Variants in GLIPR1L2 observed in about 807,000 individuals in gnomAD.
The protein encoded by GLIPR1L2 is GLIPR1 like 2, also known as GLIPR1-like protein 2.
In GLIPR1L2, 21 loss-of-function variants were observed where a neutral mutation model predicts 28.4. The observed-to-expected ratio is 0.74, with a 90% CI of 0.52 to 1.06. GLIPR1L2 has a LOEUF of 1.06. Among genes scored for constraint, GLIPR1L2 ranks in the 50% least tolerant of loss-of-function variants. The probability of loss-of-function intolerance (pLI) is 0.00; values close to 1 mark genes in which losing one functional copy is unlikely to be tolerated. For missense variants in GLIPR1L2, 476 were observed against 416.9 expected, an observed-to-expected ratio of 1.14 and a Z score of -1.23; for synonymous variants, 145 against 139.3, an observed-to-expected ratio of 1.04 and a Z score of -0.29.
chr12:75,403,020 T>C (rs1447833969), intron 1 of GLIPR1L2: 4 of 456,904 alleles, frequency 8.8e-6, no homozygotes, highest in Non-Finnish European at 4.4e-6. Flanking sequence ...TTAACAGTTA[T>C]GGTACTGCTG....
At position 75,420,188 on chromosome 12, in the gene GLIPR1L2, C is replaced by G. The variant is rs553601292; in HGVS notation, c.585-2716C>G. ...TCTTGTTCTGTGAATAATGTACAGA[C>G]TATGTGAGTCTGGATGGAGAACTTT... On this transcript the variant is annotated intron_variant, in intron 3 of 5. Transcript: ENST00000550916. Among the ~76,000 whole-genome samples, 3 of 152,280 alleles carry G rather than the reference C, an allele frequency of 2.0e-5. No individual in the cohort carries two copies. The South Asian group carries it at 6.2e-4, about 32-fold the overall frequency.
At chr12:75,402,912 CA>C (rs1193696883) in intron 1 of GLIPR1L2, 7 of 438,206 alleles carry the variant, frequency 1.6e-5, no homozygotes, top group Non-Finnish European at 2.8e-5. Context: ...GAATTGAGCC[CA>C]TTCTCTCTCC....
intron 1 of GLIPR1L2, among the ~76,000 whole-genome samples, chr12:75,409,702 T>TATATATATAAGATGTATATCTAATCCG (rs74212866): frequency 7.1e-6 from 1 of 141,516 alleles, no homozygotes; most frequent in South Asian, 2.2e-4. Flanking sequence ...TCTAATCCGA[T>TATATATATAAGATGTATATCTAATCCG]ATATATATAA....
rs547114366 is a variant in GLIPR1L2, at chr12:75,399,397, T to C, written c.234+8047T>C. Among the ~76,000 whole-genome samples the C allele has an allele frequency of 3.3e-5, 5 of 152,302 alleles. No individual in the cohort carries two copies. In the South Asian group the frequency reaches 1.0e-3, roughly 32 times the overall value. On this transcript the variant is annotated intron_variant, in intron 1 of 5. Coordinates refer to ENST00000550916, the MANE Select transcript of GLIPR1L2 (RefSeq NM_001270396.2). Reference sequence around the variant, plus strand: ...AAGGTAATATTGCTTCATCCATACATCAATATAAATTCCAACTAGTCAACA... The same window carrying C: ...AAGGTAATATTGCTTCATCCATACACCAATATAAATTCCAACTAGTCAACA...
chr12:75,410,955 A>T (rs998764431), intron 2 of GLIPR1L2, among the ~76,000 whole-genome samples: 6 of 151,910 alleles, frequency 3.9e-5, no homozygotes, highest in African/African-American at 1.4e-4. Flanking sequence ...CTGGAAAAGG[A>T]GGAAAGAAAC....
chr12:75,413,415 A>G (rs1240818899), intron 2 of GLIPR1L2, among the ~76,000 whole-genome samples, 183 bp from the exon 3 acceptor site: 1 of 151,988 alleles, frequency 6.6e-6, no homozygotes, highest in African/African-American at 2.4e-5. Context: ...TTATCTAAAT[A>G]TAGTGTTGAA....
intron 3 of GLIPR1L2, among the ~76,000 whole-genome samples, chr12:75,416,698 CAG>C (rs558051054): frequency 1.3e-3 from 195 of 152,208 alleles, no homozygotes; most frequent in Middle Eastern, 3.4e-3. Flanking sequence ...ACAGGGGTCT[CAG>C]ATGACTACAG....
In GLIPR1L2 at chr12:75,405,400, A is replaced by G. The variant is rs546048898; in HGVS notation, c.235-5034A>G. 2.2e-3 allele frequency among the ~76,000 whole-genome samples: 337 copies of G among 152,278 alleles called. 1 individual carries two copies. The highest frequency in any genetic ancestry group is 3.1e-3 in the Non-Finnish European group (213 of 68,016). On this transcript the variant is annotated intron_variant, in intron 1 of 5. Coordinates refer to ENST00000550916, the MANE Select transcript of GLIPR1L2 (RefSeq NM_001270396.2). ...GAAACTGTTTTGAAGGAAGGGTAAC[A>G]TGGGGAAGAAGAAGAGGGCTCCCTG...
At position 75,422,993 on chromosome 12, in the gene GLIPR1L2, A is replaced by C. The variant is rs1438765953; in HGVS notation, c.670+4A>C. ...AAATGCACAGATTTTCTATGCAGTA[A>C]GATAAAGAAAATAAACATGAAAAAA... On this transcript the variant is annotated splice_donor_region_variant and intron_variant, in intron 4 of 5. Transcript: ENST00000550916. 1 of 1,611,114 alleles carries C rather than the reference A, an allele frequency of 6.2e-7. No homozygotes were observed. Among genetic ancestry groups the C allele is most frequent in the Non-Finnish European group, 8.5e-7 (1 of 1,177,942 alleles).
chr12:75,423,159 A>G (rs2045996571), intron 4 of GLIPR1L2, 170 bp downstream of exon 4: 2 of 1,478,564 alleles, frequency 1.4e-6, no homozygotes, highest in South Asian at 2.9e-5. Context: ...GATTTTTCTA[A>G]ACTGCAGAGC....
intron 1 of GLIPR1L2, among the ~76,000 whole-genome samples, chr12:75,401,521 TC>T (rs1376557164): frequency 6.6e-6 from 1 of 151,954 alleles, no homozygotes; most frequent in Non-Finnish European, 1.5e-5. Context: ...TTTCTATACT[TC>T]TTTTAAAGTC....
chr12:75,429,624 G>GTTTGGCTCTGTGTTCCCAC (rs1444813830), intron 4 of GLIPR1L2, among the ~76,000 whole-genome samples: 5 of 152,136 alleles, frequency 3.3e-5, no homozygotes, highest in Non-Finnish European at 7.3e-5. Context: ...GAATGATATG[G>GTTTGGCTCTGTGTTCCCAC]TTTGGCTCTG....
chr12:75,411,380 A>G (rs890109843), intron 2 of GLIPR1L2, among the ~76,000 whole-genome samples: 1 of 151,916 alleles, frequency 6.6e-6, no homozygotes, highest in Admixed American at 6.6e-5. Context: ...TATTCAATCA[A>G]TAGACCCTGA....
At chr12:75,418,446 A>C (rs890283766) in intron 3 of GLIPR1L2, among the ~76,000 whole-genome samples, 1 of 152,194 alleles carries the variant, frequency 6.6e-6, no homozygotes, top group African/African-American at 2.4e-5. Flanking sequence ...AAAGGAACAC[A>C]TGTATGAATC....
chr12:75,417,024 A>G (rs1057369373), intron 3 of GLIPR1L2, among the ~76,000 whole-genome samples: 3 of 152,152 alleles, frequency 2.0e-5, no homozygotes, highest in Non-Finnish European at 4.4e-5. Context: ...TAAAAGGTAT[A>G]GTGGGATGAA....
chr12:75,411,710 G>T (rs1228695261), intron 2 of GLIPR1L2, among the ~76,000 whole-genome samples: 1 of 151,802 alleles, frequency 6.6e-6, no homozygotes, highest in Non-Finnish European at 1.5e-5. Context: ...AACTCTTGCA[G>T]ATACTCTATT....
chr12:75,391,412 C>G, intron 1 of GLIPR1L2, 62 bp downstream of exon 1: 1 of 1,601,202 alleles, frequency 6.2e-7, no homozygotes. Context: ...CTCCCTGGAT[C>G]TCGGGTAGTT....
chr12:75,391,169 T>G lies in GLIPR1L2; in HGVS notation c.53T>G (p.Leu18Arg). 1 of 1,614,180 alleles carries G rather than the reference T, an allele frequency of 6.2e-7. No individual in the cohort carries two copies. Among genetic ancestry groups the G allele is most frequent in the Non-Finnish European group, 8.5e-7 (1 of 1,180,002 alleles). The change falls in exon 1 of 6, where the codon CTG becomes CGG. Residue 18 changes from leucine to arginine, a missense_variant. Physicochemically the swap from Leu to Arg is moderately radical, Grantham distance 102. Coordinates refer to ENST00000550916, the MANE Select transcript of GLIPR1L2 (RefSeq NM_001270396.2). ...AREWRAQSLP[L>R]AVGGVLKLRL... ...GAGTGGAGGGCCCAGTCCCTACCCC[T>G]GGCAGTAGGGGGCGTTTTGAAGCTG... is the stretch of plus-strand genomic sequence containing the variant.
intron 1 of GLIPR1L2, among the ~76,000 whole-genome samples, chr12:75,392,415 A>C (rs1397959247): frequency 6.6e-6 from 1 of 152,214 alleles, no homozygotes. Context: ...TACTATTTTG[A>C]TAGGACATAC....
Sources: gnomAD v4.1 joint callset for allele counts (sites outside exome capture counted in the v4.1 genomes callset) on GRCh38, gnomAD v4.1.1 for gene constraint, MANE v1.5 for transcripts, NCBI Gene and HGNC (gene_info 2026-07-23, HGNC 2026-07-21) for gene names.